Variants in OARD1 observed in about 807,000 individuals in gnomAD.
OARD1 encodes the protein ADP-ribose glycohydrolase OARD1.
OARD1 carries 19 observed loss-of-function variants against 19.7 expected under a neutral mutation model. The observed-to-expected ratio is 0.96, with a 90% CI of 0.67 to 1.41. The LOEUF (loss-of-function observed/expected upper bound fraction) is 1.41. Ranked by LOEUF, OARD1 falls within the 40% of genes most tolerant of loss-of-function variation. OARD1 has a pLI of 0.00. For synonymous variants in OARD1, 70 were observed against 61.8 expected (o/e 1.13, Z -0.62); for missense variants, 190 against 183.8 (o/e 1.03, Z -0.20).
rs2114062716 is a variant in OARD1, at chr6:41,071,357, C to T, written c.40-81G>A. On this transcript the variant is annotated intron_variant, in intron 2 of 5. Coordinates refer to ENST00000424266, the MANE Select transcript of OARD1 (RefSeq NM_001329686.2). ...GCTATTTTTCTGTATTTTGTGTCCCCCACGACTACCTCTCCCGGCACCCCT... is the reference window on the plus strand; with the variant it reads ...GCTATTTTTCTGTATTTTGTGTCCCTCACGACTACCTCTCCCGGCACCCCT... The T allele has an allele frequency of 3.7e-6, 5 of 1,355,912 alleles. No individual in the cohort carries two copies. The East Asian group carries it at 1.2e-4, about 32-fold the overall frequency. 84.0% of individuals were successfully genotyped at this position (1,355,912 alleles called of 1,614,324 possible).
At chr6:41,070,002 G>A in intron 4 of OARD1, 74 bp downstream of exon 4, 1 of 870,022 alleles carries the variant, frequency 1.1e-6, no homozygotes, top group Non-Finnish European at 2.0e-6. Flanking sequence ...ATGCAGTGCA[G>A]CCCATCTGTT....
upstream of OARD1, among the ~76,000 whole-genome samples, chr6:41,074,017 GCTGCACAA>G: frequency 6.6e-6 from 1 of 151,760 alleles, no homozygotes; most frequent in East Asian, 1.9e-4. Context: ...CTTTCCGGAG[GCTGCACAA>G]CTTGCTGTTC....
chr6:41,068,826 C>T lies in OARD1; in HGVS notation c.356+15G>A, dbSNP rs904053106. The T allele has an allele frequency of 7.4e-7, 1 of 1,353,036 alleles. No individual in the cohort carries two copies. The highest frequency in any genetic ancestry group is 1.0e-6 in the Non-Finnish European group (1 of 957,086). 83.8% of individuals were successfully genotyped at this position (1,353,036 alleles called of 1,614,324 possible). A position where few individuals can be genotyped will look rare whatever the true frequency, so the allele number is the denominator to read the frequency against. ...AATCAATTAAATCTCCATTTAGGAC[C>T]ATGGATTTCCTTGCCTGGGCATGGA... On this transcript the variant is annotated intron_variant, in intron 5 of 5. Coordinates refer to ENST00000424266, the MANE Select transcript of OARD1 (RefSeq NM_001329686.2).
In OARD1 at chr6:41,094,491, T is replaced by G. The variant is rs200657227; in HGVS notation, c.-42+3222A>C. ...CTCCAAAGGAAAAGGATAGTCCCCATATGCAGGTAGGAAGACATATACATT... is the reference window on the plus strand; with the variant it reads ...CTCCAAAGGAAAAGGATAGTCCCCAGATGCAGGTAGGAAGACATATACATT... On this transcript the variant is annotated intron_variant, in intron 1 of 4. Transcript: ENST00000480585. The G allele has an allele frequency of 1.4e-4, 224 of 1,612,792 alleles. No individual in the cohort carries two copies. The East Asian group carries it at 4.8e-3, about 34-fold the overall frequency.
At chr6:41,069,321 A>T (rs774535667) in intron 4 of OARD1, 1 of 158,108 alleles carries the variant, frequency 6.3e-6, no homozygotes, top group Non-Finnish European at 1.4e-5. Flanking sequence ...ACCACCTGAA[A>T]ATTCCCTGCT....
At chr6:41,091,586 G>A (rs1332683674) in intron 1 of OARD1, 5 of 1,614,214 alleles carry the variant, frequency 3.1e-6, no homozygotes, top group Non-Finnish European at 4.2e-6. Context: ...CAGGAGCACA[G>A]ATTGTTCAAA....
rs538405492 is a variant in OARD1, at chr6:41,081,954, G to A, written c.-41-10279C>T. On this transcript the variant is annotated intron_variant, in intron 1 of 4. Transcript: ENST00000480585. ...ATTTGGCCAGTTCCTATAAAACACA[G>A]GAGTAGCAGCACTAGTCTACTCTGT... is the stretch of plus-strand genomic sequence containing the variant. Among the ~76,000 whole-genome samples the A allele has an allele frequency of 5.9e-5, 9 of 152,324 alleles. No individual in the cohort carries two copies. In the South Asian group the frequency reaches 1.4e-3, roughly 25 times the overall value.
rs1763028540 is a variant in OARD1 at position 41,066,817 on chromosome 6, A to G, written c.*518T>C. ...TAACTCCCCAAATTTTTATTTTTCCATTTTTATCACCACAAATTTCTTGGT... is the reference window on the plus strand; with the variant it reads ...TAACTCCCCAAATTTTTATTTTTCCGTTTTTATCACCACAAATTTCTTGGT... On this transcript the variant is annotated 3_prime_UTR_variant, in exon 6 of 6. Coordinates refer to ENST00000424266, the MANE Select transcript of OARD1 (RefSeq NM_001329686.2). The G allele has an allele frequency of 6.6e-6, 1 of 152,254 alleles. No homozygotes were observed. The highest frequency in any genetic ancestry group is 1.5e-5 in the Non-Finnish European group (1 of 68,080). 9.4% of individuals were successfully genotyped at this position (152,254 alleles called of 1,614,324 possible). A position where few individuals can be genotyped will look rare whatever the true frequency, so the allele number is the denominator to read the frequency against.
At chr6:41,088,567 A>C (rs1042982364) in intron 1 of OARD1, among the ~76,000 whole-genome samples, 3 of 151,990 alleles carry the variant, frequency 2.0e-5, no homozygotes, top group Non-Finnish European at 4.4e-5. Flanking sequence ...ACTAGAGTAG[A>C]ATACATTTTG....
intron 1 of OARD1, among the ~76,000 whole-genome samples, chr6:41,083,280 A>G (rs1450918602): frequency 2.0e-5 from 3 of 152,178 alleles, no homozygotes; most frequent in East Asian, 3.8e-4. Flanking sequence ...TGAAATTTGT[A>G]CACTTGACTG....
At chr6:41,071,081 T>G (rs772237160) in intron 3 of OARD1, 51 bp downstream of exon 3, 12 of 1,580,060 alleles carry the variant, frequency 7.6e-6, no homozygotes, top group Non-Finnish European at 1.0e-5. Context: ...TGTAACAGAT[T>G]AAAAGGTGCT....
At chr6:41,071,344 T>C (rs1763373448) in intron 2 of OARD1, 68 bp from the exon 3 acceptor site, 2 of 1,499,398 alleles carry the variant, frequency 1.3e-6, no homozygotes, top group Non-Finnish European at 1.8e-6. Context: ...TATTTTTCTG[T>C]ATTTTGTGTC....
upstream of OARD1, among the ~76,000 whole-genome samples, chr6:41,073,777 TC>T (rs1163711222): frequency 6.6e-6 from 1 of 151,858 alleles, no homozygotes; most frequent in Admixed American, 6.6e-5. Flanking sequence ...CTCCCCCTGC[TC>T]CGCCGCGCCC....
intron 1 of OARD1, among the ~76,000 whole-genome samples, chr6:41,096,643 C>G (rs1382375000): frequency 6.6e-6 from 1 of 152,226 alleles, no homozygotes; most frequent in Non-Finnish European, 1.5e-5. Context: ...TTCTCAGATC[C>G]TGCCTACCAA....
chr6:41,090,616 T>C (rs1764175100), intron 1 of OARD1, among the ~76,000 whole-genome samples: 1 of 152,174 alleles, frequency 6.6e-6, no homozygotes, highest in South Asian at 2.1e-4. Flanking sequence ...GAGAAATAGA[T>C]CAAAAATCAA....
rs141234998 is a variant in OARD1, at chr6:41,092,277, A to G, written c.-42+5436T>C. On this transcript the variant is annotated intron_variant, in intron 1 of 4. Transcript: ENST00000480585. ...CTCAGTGGCATGCACCTGTAGTCCTAGCTACTTGGGAGGCTAATCCAGGAG... is the reference window on the plus strand; with the variant it reads ...CTCAGTGGCATGCACCTGTAGTCCTGGCTACTTGGGAGGCTAATCCAGGAG... 2.5e-3 allele frequency among the ~76,000 whole-genome samples: 385 copies of G among 152,360 alleles called. 2 individuals carry two copies. The highest frequency in any genetic ancestry group is 8.4e-3 in the African/African-American group (351 of 41,588).
chr6:41,083,970 T>C, intron 1 of OARD1: 1 of 1,407,542 alleles, frequency 7.1e-7, no homozygotes, highest in Non-Finnish European at 9.6e-7. Context: ...AGCAGAATAG[T>C]TCCAGTGATT....
intron 1 of OARD1, among the ~76,000 whole-genome samples, chr6:41,080,084 T>G (rs1763865289): frequency 6.6e-6 from 1 of 152,162 alleles, no homozygotes; most frequent in Non-Finnish European, 1.5e-5. Context: ...AATTTGCCAT[T>G]AGTGGATGTA....
intron 1 of OARD1, among the ~76,000 whole-genome samples, chr6:41,095,242 T>C (rs1408730061): frequency 1.3e-5 from 2 of 152,216 alleles, no homozygotes; most frequent in Non-Finnish European, 2.9e-5. Context: ...CCTTACATGC[T>C]CCAGCTCCTG....
Sources: allele counts gnomAD v4.1 joint callset (sites outside exome capture counted in the v4.1 genomes callset), GRCh38; gene constraint gnomAD v4.1.1; transcripts MANE v1.5; gene names NCBI Gene and HGNC (gene_info 2026-07-23, HGNC 2026-07-21).